Variants in PDZD2 observed in about 807,000 individuals in gnomAD.
PDZD2 encodes PDZ domain-containing protein 2.
In PDZD2, 90 loss-of-function variants were observed where a neutral mutation model predicts 220.7. That is an observed-to-expected ratio of 0.41 (90% CI 0.34 to 0.49). The LOEUF is 0.49. Among genes scored for constraint, PDZD2 ranks in the 20% least tolerant of loss-of-function variants. The probability of loss-of-function intolerance (pLI) is 0.28; values close to 1 mark genes in which losing one functional copy is unlikely to be tolerated. For missense variants in PDZD2, 3,174 were observed against 3,608.5 expected, an observed-to-expected ratio of 0.88 and a Z score of 3.08; for synonymous variants, 1,375 against 1,450.5, an observed-to-expected ratio of 0.95 and a Z score of 1.18.
intron 1 of PDZD2, among the ~76,000 whole-genome samples, chr5:31,727,732 G>A (rs1580634704): frequency 1.6e-5 from 1 of 61,972 alleles, no homozygotes; most frequent in Admixed American, 1.9e-4. Context: ...GGCCGGGCGC[G>A]GTGGCTTCAC....
chr5:31,877,652 G>A (rs1490567094), intron 2 of PDZD2, among the ~76,000 whole-genome samples: 1 of 151,664 alleles, frequency 6.6e-6, no homozygotes, highest in Non-Finnish European at 1.5e-5. Flanking sequence ...ACAGAAATTT[G>A]CTTGAGAAAC....
In PDZD2 at chr5:31,639,736, A is replaced by G. The variant is rs1744869259; in HGVS notation, c.-361+299A>G. Among the ~76,000 whole-genome samples, 1 of 152,092 alleles carries G rather than the reference A, an allele frequency of 6.6e-6. No homozygotes were observed. The highest frequency in any genetic ancestry group is 1.5e-5 in the Non-Finnish European group (1 of 67,994). On this transcript the variant is annotated intron_variant, in intron 1 of 24. Coordinates refer to ENST00000438447, the MANE Select transcript of PDZD2 (RefSeq NM_178140.4). This position sits in a 1 kb window ranked among gnomAD's most constrained non-coding sequence, Gnocchi z 4.1. ...GGAGACGCACTGCCGGGGGTACTCA[A>G]GACAGGGCCGGGACCTCCTGCTCGG...
intron 2 of PDZD2, among the ~76,000 whole-genome samples, chr5:31,878,772 A>C (rs1171405164): frequency 6.6e-6 from 1 of 151,538 alleles, no homozygotes; most frequent in East Asian, 2.0e-4. Flanking sequence ...TGTGTTAGCC[A>C]GGATGGTCTC....
chr5:32,050,891 T>C (rs556615304), intron 8 of PDZD2, among the ~76,000 whole-genome samples: 1 of 152,288 alleles, frequency 6.6e-6, no homozygotes, highest in East Asian at 1.9e-4. Flanking sequence ...CTTTCAGCAA[T>C]GATGGAGATG....
intron 19 of PDZD2, among the ~76,000 whole-genome samples, chr5:32,084,782 T>A (rs1213127808): frequency 1.3e-5 from 2 of 152,156 alleles, no homozygotes; most frequent in South Asian, 2.1e-4. Context: ...GGTGGAAGAT[T>A]AGCCCAAGAC....
Position 32,087,580 on chromosome 5 carries a change from C to G in PDZD2, c.4132C>G (p.Leu1378Val). 6.2e-7 allele frequency: 1 copy of G among 1,614,038 alleles called. No individual in the cohort carries two copies. The highest frequency in any genetic ancestry group is 8.5e-7 in the Non-Finnish European group (1 of 1,179,948). Residue 1378 changes from leucine (L) to valine (V), a missense_variant, in exon 20 of 25, where the codon CTG becomes GTG. By Grantham distance (32) the Leu-to-Val change is conservative (BLOSUM62 1). Transcript: ENST00000438447. This position sits in a 1 kb window ranked among gnomAD's most constrained non-coding sequence, Gnocchi z 4.0. ...ACCTGAAAGCTCCCAGGAGCCTTCC[C>G]TGCTGGAGGGAGCAGATTCTGTGTC... is the stretch of plus-strand genomic sequence containing the variant. ...HAPESSQEPS[L>V]LEGADSVSSR...
intron 1 of PDZD2, among the ~76,000 whole-genome samples, chr5:31,774,106 A>G (rs1273254336): frequency 6.6e-6 from 1 of 152,104 alleles, no homozygotes; most frequent in Non-Finnish European, 1.5e-5. Context: ...TCCAGAAGCC[A>G]GCTCACCCCA....
intron 2 of PDZD2, among the ~76,000 whole-genome samples, chr5:31,884,504 C>T (rs554029914): frequency 6.6e-6 from 1 of 152,280 alleles, no homozygotes; most frequent in South Asian, 2.1e-4. Context: ...TCAGCCAGGG[C>T]AGGTCTGCTG....
intron 2 of PDZD2, chr5:31,840,847 T>A: frequency 1.4e-6 from 1 of 730,274 alleles, no homozygotes; most frequent in Non-Finnish European, 2.5e-6. Context: ...CCCATTCCCT[T>A]GATGTCTACA....
At chr5:31,919,833 T>C (rs2330878) in intron 2 of PDZD2, among the ~76,000 whole-genome samples, 134,143 of 150,284 alleles carry the variant, frequency 0.89, 60,121 homozygotes, top group East Asian at 0.98. Flanking sequence ...CTGGGAAATA[T>C]AGTAAAACCT....
intron 2 of PDZD2, among the ~76,000 whole-genome samples, chr5:31,870,510 T>C (rs976254332): frequency 6.6e-6 from 1 of 152,162 alleles, no homozygotes; most frequent in African/African-American, 2.4e-5. Context: ...TTAAAAAATC[T>C]AGTAATATCC....
chr5:31,905,127 C>A (rs1346923372), intron 2 of PDZD2, among the ~76,000 whole-genome samples: 2 of 152,056 alleles, frequency 1.3e-5, no homozygotes, highest in Non-Finnish European at 2.9e-5. Context: ...CACCACCACG[C>A]CCGGCTAATT....
intron 1 of PDZD2, among the ~76,000 whole-genome samples, chr5:31,753,336 G>A (rs1424970451): frequency 6.6e-6 from 1 of 152,208 alleles, no homozygotes; most frequent in African/African-American, 2.4e-5. Flanking sequence ...GTAAATAAGA[G>A]AGCCTGTGCC....
chr5:31,907,413 C>T (rs1742753263), intron 2 of PDZD2, among the ~76,000 whole-genome samples: 2 of 152,182 alleles, frequency 1.3e-5, no homozygotes, highest in Non-Finnish European at 2.9e-5. Context: ...ACCTAATTAC[C>T]TCCCGAAGCC....
intron 5 of PDZD2, among the ~76,000 whole-genome samples, chr5:32,010,084 C>CA (rs57019948): frequency 3.0e-4 from 40 of 132,020 alleles, no homozygotes; most frequent in Admixed American, 1.2e-3. Flanking sequence ...AAGACTGTCT[C>CA]AAAAAAAAGA....
intron 2 of PDZD2, among the ~76,000 whole-genome samples, chr5:31,850,226 G>GTATATA (rs752884909): frequency 0.042 from 4,250 of 101,092 alleles, 240 homozygotes; most frequent in African/African-American, 0.11. Context: ...ATATATATAA[G>GTATATA]TATATATATA....
At chr5:32,027,707 A>G (rs1754782932) in intron 6 of PDZD2, among the ~76,000 whole-genome samples, 1 of 152,208 alleles carries the variant, frequency 6.6e-6, no homozygotes, top group Non-Finnish European at 1.5e-5. Flanking sequence ...CGAGTGTAGC[A>G]GTAGATTCCT....
chr5:32,062,539 G>A (rs1274723842), intron 14 of PDZD2, among the ~76,000 whole-genome samples: 3 of 151,930 alleles, frequency 2.0e-5, no homozygotes, highest in Non-Finnish European at 4.4e-5. Flanking sequence ...GACCATGGGT[G>A]CGTGCCAATA....
At chr5:31,855,123 A>T in intron 2 of PDZD2, 1 of 985,226 alleles carries the variant, frequency 1.0e-6, no homozygotes, top group African/African-American at 1.7e-5. Flanking sequence ...GGAGACTCCC[A>T]GGAGCTCCGG....
Sources: gnomAD v4.1 joint callset for allele counts (sites outside exome capture counted in the v4.1 genomes callset) on GRCh38, gnomAD v4.1.1 for gene constraint, Gnocchi (gnomAD v3.1) non-coding constraint, MANE v1.5 for transcripts, NCBI Gene and HGNC (gene_info 2026-07-23, HGNC 2026-07-21) for gene names.